Variants in GRHL1 observed in about 807,000 individuals in gnomAD.
GRHL1 encodes grainyhead-like protein 1 homolog.
A neutral mutation model predicts 75.7 loss-of-function variants in GRHL1; 38 were observed. The ratio of observed to expected loss-of-function variants is 0.50; its 90% CI spans 0.39 to 0.66. GRHL1 has a LOEUF of 0.66. Among genes scored for constraint, GRHL1 ranks in the 30% least tolerant of loss-of-function variants. The probability of loss-of-function intolerance (pLI) is 0.00; values close to 1 mark genes in which losing one functional copy is unlikely to be tolerated. For missense variants in GRHL1, 589 were observed against 767.5 expected (o/e 0.77, Z 2.75); for synonymous variants, 266 against 279.4 (o/e 0.95, Z 0.48).
At chr2:9,962,340 T>C (rs1335062371) in intron 4 of GRHL1, 115 bp from the exon 5 acceptor site, 1 of 614,242 alleles carries the variant, frequency 1.6e-6, no homozygotes, top group Non-Finnish European at 3.0e-6. Flanking sequence ...AAAATAAATA[T>C]GGAAAGGATA....
intron 4 of GRHL1, among the ~76,000 whole-genome samples, 172 bp downstream of exon 4, chr2:9,961,608 A>C (rs1044483494): frequency 1.2e-4 from 18 of 152,216 alleles, no homozygotes; most frequent in African/African-American, 4.1e-4. Flanking sequence ...AACTAAACCT[A>C]TACAACCAGA....
chr2:9,984,079 G>A (rs898924113), intron 8 of GRHL1, among the ~76,000 whole-genome samples: 4 of 152,018 alleles, frequency 2.6e-5, no homozygotes, highest in East Asian at 3.9e-4. Flanking sequence ...GCTTGAACCC[G>A]GGAGGCGGAG....
chr2:9,976,281 A>G (rs1291049926), intron 8 of GRHL1, among the ~76,000 whole-genome samples: 1 of 152,190 alleles, frequency 6.6e-6, no homozygotes, highest in East Asian at 1.9e-4. Flanking sequence ...AAGATTCGTC[A>G]CACTTCTCAA....
chr2:9,969,745 C>T (rs957545441), intron 8 of GRHL1, among the ~76,000 whole-genome samples: 2 of 151,786 alleles, frequency 1.3e-5, no homozygotes. Context: ...GTCAGCTACC[C>T]AGTATGGCAG....
chr2:9,966,916 G>A (rs1171211438), intron 8 of GRHL1, among the ~76,000 whole-genome samples: 1 of 152,078 alleles, frequency 6.6e-6, no homozygotes, highest in South Asian at 2.1e-4. Context: ...GGAGTTTGTT[G>A]CTTGGCTAAG....
chr2:9,998,085 T>C (rs1208935893), intron 14 of GRHL1, among the ~76,000 whole-genome samples: 2 of 152,160 alleles, frequency 1.3e-5, no homozygotes, highest in Non-Finnish European at 2.9e-5. Flanking sequence ...TCTGCACGTT[T>C]GCCACCTGAG....
chr2:9,993,663 T>C (rs569118066), intron 12 of GRHL1, among the ~76,000 whole-genome samples: 10 of 152,346 alleles, frequency 6.6e-5, no homozygotes, highest in African/African-American at 2.4e-4. Context: ...TGCTCTCTCA[T>C]GGTTAGATTC....
chr2:9,991,988 TA>T lies in GRHL1; in HGVS notation c.1322-17del. On this transcript the variant is annotated intron_variant, in intron 10 of 15. Coordinates refer to ENST00000324907, the MANE Select transcript of GRHL1 (RefSeq NM_198182.3). ...CCTTTGACCTTGGCTTCCTCTTTTT[TA>T]ATTTTTTTTTTTTTCAGTTTCTGAT... 6.5e-7 allele frequency: 1 copy of T among 1,543,418 alleles called. No individual in the cohort carries two copies. Among genetic ancestry groups the T allele is most frequent in the Non-Finnish European group, 8.7e-7 (1 of 1,143,050 alleles).
chr2:9,997,042 C>CT (rs1396376067), intron 14 of GRHL1, among the ~76,000 whole-genome samples: 1 of 152,198 alleles, frequency 6.6e-6, no homozygotes, highest in Non-Finnish European at 1.5e-5. Flanking sequence ...ACCAGCCTGT[C>CT]TCCTAGAGAC....
intron 12 of GRHL1, among the ~76,000 whole-genome samples, chr2:9,994,383 G>A (rs66920316): frequency 0.23 from 34,016 of 150,426 alleles, 4,246 homozygotes; most frequent in African/African-American, 0.34. Flanking sequence ...CAATCCTCCC[G>A]CCTCAGCCTC....
At position 9,986,177 on chromosome 2, in the gene GRHL1, G is replaced by A. The variant is rs746021182; in HGVS notation, c.1164G>A (p.Val388=). The A allele has an allele frequency of 1.2e-6, 2 of 1,613,746 alleles. No homozygotes were observed. The highest frequency in any genetic ancestry group is 1.1e-5 in the South Asian group (1 of 91,070). The change falls in exon 9 of 16, where the codon GTG becomes GTA. Residue 388 remains valine (V), a synonymous_variant. Transcript: ENST00000324907. ...CAGATTTCTCTTCCCAGAAGGGAGT[G>A]AAGGGGTTGCCTCTTAACATTCAAG... ...LSTDFSSQKG[V]KGLPLNIQVD...
chr2:9,988,746 T>A (rs1572381509), intron 9 of GRHL1, among the ~76,000 whole-genome samples: 1 of 152,212 alleles, frequency 6.6e-6, no homozygotes, highest in East Asian at 1.9e-4. Context: ...CAGGGATCAC[T>A]GTTCTTTAGT....
At chr2:9,997,818 C>CAA (rs150171875) in intron 14 of GRHL1, among the ~76,000 whole-genome samples, 2 of 126,822 alleles carry the variant, frequency 1.6e-5, no homozygotes, top group Non-Finnish European at 3.4e-5. Context: ...GACTCCGTCT[C>CAA]AAAAAAAAAA....
intron 8 of GRHL1, among the ~76,000 whole-genome samples, chr2:9,966,801 T>C (rs76400484): frequency 0.012 from 1,758 of 152,228 alleles, 35 homozygotes; most frequent in African/African-American, 0.04. Context: ...CTCTAGGCAG[T>C]TGGGCCCACC....
intron 5 of GRHL1, among the ~76,000 whole-genome samples, chr2:9,963,053 T>A (rs897556234): frequency 6.6e-6 from 1 of 152,234 alleles, no homozygotes; most frequent in African/African-American, 2.4e-5. Context: ...TTTTGTTTTA[T>A]GTGTTTTTTA....
Position 9,961,343 on chromosome 2 carries a change from T to C in GRHL1, c.576T>C (p.Thr192=). 1 of 1,614,138 alleles carries C rather than the reference T, an allele frequency of 6.2e-7. No homozygotes were observed. The highest frequency in any genetic ancestry group is 8.5e-7 in the Non-Finnish European group (1 of 1,179,972). Residue 192 remains threonine, a synonymous_variant, in exon 4 of 16, where the codon ACT becomes ACC. Coordinates refer to ENST00000324907, the MANE Select transcript of GRHL1 (RefSeq NM_198182.3). ...RVVVFDRNLN[T]DQFSSGAQAP... ...TGGTTTTCGATCGGAATCTCAATAC[T>C]GACCAGTTCAGCTCTGGTGCTCAAG...
chr2:9,979,759 T>A (rs775721220), intron 8 of GRHL1, among the ~76,000 whole-genome samples: 1 of 152,230 alleles, frequency 6.6e-6, no homozygotes, highest in Non-Finnish European at 1.5e-5. Flanking sequence ...AGCAACAGCC[T>A]TTTTGCTAGT....
chr2:9,975,511 T>A (rs1572359694), intron 8 of GRHL1, among the ~76,000 whole-genome samples: 2 of 152,280 alleles, frequency 1.3e-5, no homozygotes, highest in African/African-American at 4.8e-5. Context: ...TACTGTTCAG[T>A]ATGTGTAAAA....
intron 5 of GRHL1, 49 bp downstream of exon 5, chr2:9,962,580 T>G: frequency 1.0e-6 from 1 of 1,004,220 alleles, no homozygotes; most frequent in Non-Finnish European, 1.6e-6. Flanking sequence ...TTTTATAACT[T>G]ATTCCTTTCT....
Sources: gnomAD v4.1 joint callset for allele counts (sites outside exome capture counted in the v4.1 genomes callset) on GRCh38, gnomAD v4.1.1 for gene constraint, MANE v1.5 for transcripts, NCBI Gene and HGNC (gene_info 2026-07-23, HGNC 2026-07-21) for gene names.